KCTD16: variants seen among roughly 807,000 people sequenced by gnomAD.
The protein encoded by KCTD16 is potassium channel tetramerization domain containing 16.
KCTD16 carries 13 observed loss-of-function variants against 33.2 expected under a neutral mutation model. That is an observed-to-expected ratio of 0.39 (90% CI 0.25 to 0.62). KCTD16 has a LOEUF of 0.62. Among genes scored for constraint, KCTD16 ranks in the 20% least tolerant of loss-of-function variants. The pLI, the probability that KCTD16 is intolerant of heterozygous loss-of-function variation, is 0.50. For missense variants in KCTD16, 441 were observed against 525.1 expected (o/e 0.84, Z 1.57); for synonymous variants, 197 against 195.3 (o/e 1.01, Z -0.07).
chr5:144,212,825 A>G (rs1407182770), intron 3 of KCTD16, among the ~76,000 whole-genome samples: 1 of 152,192 alleles, frequency 6.6e-6, no homozygotes, highest in African/African-American at 2.4e-5. Flanking sequence ...ATCCAAATGT[A>G]GAGATAATGG....
At chr5:144,417,511 A>C (rs947605457) in intron 3 of KCTD16, among the ~76,000 whole-genome samples, 4 of 152,132 alleles carry the variant, frequency 2.6e-5, no homozygotes, top group Non-Finnish European at 4.4e-5. Context: ...ATACATTCCA[A>C]AAAATTATCA....
intron 3 of KCTD16, among the ~76,000 whole-genome samples, chr5:144,317,865 A>G (rs189076923): frequency 6.6e-6 from 1 of 152,178 alleles, no homozygotes; most frequent in Non-Finnish European, 1.5e-5. Flanking sequence ...TTTTACCTGC[A>G]TGGTGCTCCT....
chr5:144,308,233 C>A (rs1191084336), intron 3 of KCTD16, among the ~76,000 whole-genome samples: 2 of 152,162 alleles, frequency 1.3e-5, no homozygotes, highest in Non-Finnish European at 2.9e-5. Flanking sequence ...CATAGCAGCC[C>A]ACTCCTGTTA....
At chr5:144,338,894 A>G (rs1752558424) in intron 3 of KCTD16, among the ~76,000 whole-genome samples, 1 of 152,206 alleles carries the variant, frequency 6.6e-6, no homozygotes, top group South Asian at 2.1e-4. Flanking sequence ...GAACCAGAGA[A>G]AAGGGGCATT....
At chr5:144,237,247 T>C (rs1754279729) in intron 3 of KCTD16, among the ~76,000 whole-genome samples, 1 of 152,074 alleles carries the variant, frequency 6.6e-6, no homozygotes, top group Non-Finnish European at 1.5e-5. Context: ...TCCAGCGAAG[T>C]TGGTTTGGCT....
chr5:144,425,549 A>G (rs749325312), intron 3 of KCTD16, among the ~76,000 whole-genome samples: 7 of 151,948 alleles, frequency 4.6e-5, no homozygotes, highest in African/African-American at 7.2e-5. Flanking sequence ...AGGAATCCAC[A>G]ATATCCTGTG....
intron 3 of KCTD16, among the ~76,000 whole-genome samples, chr5:144,250,173 A>G (rs893879629): frequency 1.3e-5 from 2 of 152,174 alleles, no homozygotes; most frequent in African/African-American, 2.4e-5. Flanking sequence ...GCCTGAACTA[A>G]TGGTTGGTTC....
chr5:144,337,414 TG>T (rs1752517765), intron 3 of KCTD16, among the ~76,000 whole-genome samples: 1 of 152,188 alleles, frequency 6.6e-6, no homozygotes, highest in Admixed American at 6.5e-5. Context: ...TAATGCATGT[TG>T]TTTGTTCTAC....
intron 3 of KCTD16, among the ~76,000 whole-genome samples, chr5:144,315,380 T>C (rs542054237): frequency 2.6e-5 from 4 of 152,326 alleles, no homozygotes; most frequent in South Asian, 2.1e-4. Context: ...TTATCTGTGC[T>C]AAAGAAACAT....
chr5:144,442,344 G>A (rs1753729540), intron 3 of KCTD16, among the ~76,000 whole-genome samples: 1 of 152,048 alleles, frequency 6.6e-6, no homozygotes, highest in Admixed American at 6.6e-5. Flanking sequence ...ACATGCCACA[G>A]CCTTGTGTAC....
chr5:144,203,314 A>G (rs1049910252), intron 2 of KCTD16, among the ~76,000 whole-genome samples: 2 of 151,988 alleles, frequency 1.3e-5, no homozygotes, highest in South Asian at 2.1e-4. Context: ...AGTAATCTTG[A>G]AATTTGTTGT....
intron 3 of KCTD16, among the ~76,000 whole-genome samples, chr5:144,230,086 G>A (rs1046032831): frequency 1.3e-5 from 2 of 152,196 alleles, no homozygotes; most frequent in Admixed American, 6.5e-5. Context: ...AGACTGCAGT[G>A]AGCCAAGATC....
At chr5:144,199,445 G>T (rs1038436278) in intron 2 of KCTD16, among the ~76,000 whole-genome samples, 8 of 152,198 alleles carry the variant, frequency 5.3e-5, no homozygotes, top group South Asian at 2.1e-4. Flanking sequence ...GGGAGGCAAA[G>T]GTAGGCGTCT....
At position 144,467,070 on chromosome 5, in the gene KCTD16, A is replaced by G. The variant is rs868037727; in HGVS notation, c.833-6590A>G. ...ATATATAACACTATATGTATTATAT[A>G]TAATATATATAGTGTTATATATATT... On this transcript the variant is annotated intron_variant, in intron 3 of 3. Coordinates refer to ENST00000512467, the MANE Select transcript of KCTD16 (RefSeq NM_020768.4). 7.3e-4 allele frequency among the ~76,000 whole-genome samples: 97 copies of G among 132,170 alleles called. 1 individual carries two copies. Among genetic ancestry groups the G allele is most frequent in the Middle Eastern group, 7.5e-3 (2 of 266 alleles). 86.7% of individuals were successfully genotyped at this position (132,170 alleles called of 152,430 possible).
intron 3 of KCTD16, among the ~76,000 whole-genome samples, chr5:144,379,692 C>T (rs759953436): frequency 4.6e-5 from 7 of 152,092 alleles, no homozygotes; most frequent in Non-Finnish European, 1.0e-4. Context: ...TAAAGTTTCA[C>T]AAAGATGGCC....
At chr5:144,216,734 C>T (rs1319401372) in intron 3 of KCTD16, among the ~76,000 whole-genome samples, 1 of 151,620 alleles carries the variant, frequency 6.6e-6, no homozygotes, top group African/African-American at 2.4e-5. Context: ...GTCCCAGTTA[C>T]TCGGGAGGCT....
rs76253436 is a variant in KCTD16 at position 144,178,613 on chromosome 5, C to T, written c.-327+4141C>T. Reference sequence around the variant, plus strand: ...TACAATTTAATGAAAATCATAAATCCCCTGCTGTCTGTGATAATGAATTTT... The same window carrying T: ...TACAATTTAATGAAAATCATAAATCTCCTGCTGTCTGTGATAATGAATTTT... On this transcript the variant is annotated intron_variant, in intron 2 of 3. Transcript: ENST00000512467. Among the ~76,000 whole-genome samples the T allele has an allele frequency of 5.9e-4, 90 of 151,944 alleles. 1 individual carries two copies. The East Asian group carries it at 0.015, about 25-fold the overall frequency.
chr5:144,372,460 A>G (rs1388005832), intron 3 of KCTD16, among the ~76,000 whole-genome samples: 3 of 152,198 alleles, frequency 2.0e-5, no homozygotes, highest in African/African-American at 7.2e-5. Flanking sequence ...CATCATTTGG[A>G]TAAGGGTGGG....
At chr5:144,385,981 A>G (rs1752315330) in intron 3 of KCTD16, among the ~76,000 whole-genome samples, 1 of 152,146 alleles carries the variant, frequency 6.6e-6, no homozygotes, top group South Asian at 2.1e-4. Flanking sequence ...AGGCTGAGCT[A>G]TCTAGTAATC....
Sources: gnomAD v4.1 joint callset for allele counts (sites outside exome capture counted in the v4.1 genomes callset) on GRCh38, gnomAD v4.1.1 for gene constraint, MANE v1.5 for transcripts, NCBI Gene and HGNC (gene_info 2026-07-23, HGNC 2026-07-21) for gene names.